FBRSL1: variants seen among roughly 807,000 people sequenced by gnomAD.
The protein encoded by FBRSL1 is fibrosin-1-like protein.
Under a neutral mutation model 89.6 loss-of-function variants are expected in FBRSL1, and 51 were observed. The ratio of observed to expected loss-of-function variants is 0.57; its 90% CI spans 0.45 to 0.72. The LOEUF (loss-of-function observed/expected upper bound fraction) is 0.72. FBRSL1 is among the 30% of genes least tolerant of loss of function. The pLI is 0.00. For synonymous variants in FBRSL1, 779 were observed against 681.1 expected (o/e 1.14, Z -2.24); for missense variants, 1,618 against 1,451.8 (o/e 1.11, Z -1.86).
intron 2 of FBRSL1, among the ~76,000 whole-genome samples, chr12:132,525,308 G>A (rs572156451): frequency 8.5e-5 from 13 of 152,342 alleles, no homozygotes; most frequent in African/African-American, 3.1e-4. Flanking sequence ...GCCAGATGGG[G>A]TGGTGCGAAC....
At chr12:132,577,093 C>T (rs1451511046) in intron 15 of FBRSL1, among the ~76,000 whole-genome samples, 162 bp downstream of exon 15, 2 of 152,114 alleles carry the variant, frequency 1.3e-5, no homozygotes, top group African/African-American at 4.8e-5. Context: ...TGGCAACTCC[C>T]TCACCTCACC....
At chr12:132,579,855 A>G (rs2040623742) in intron 15 of FBRSL1, among the ~76,000 whole-genome samples, 4 of 152,134 alleles carry the variant, frequency 2.6e-5, no homozygotes, top group Admixed American at 1.3e-4. Flanking sequence ...GGTTCCAAGT[A>G]CTGATTTTTT....
rs1460240480 is a variant in FBRSL1 at position 132,583,724 on chromosome 12, C to T, written c.2955C>T (p.Gly985=). ...RTTPLGGLGP[G]EARDYSPSRN... ...CTCCGCTGGGGGGCCTCGGGCCGGGCGAGGCGCGCGACTACTCCCCGTCCC... is the reference window on the plus strand; with the variant it reads ...CTCCGCTGGGGGGCCTCGGGCCGGGTGAGGCGCGCGACTACTCCCCGTCCC... The change falls in exon 19 of 19, where the codon GGC becomes GGT. Residue 985 remains glycine (G), a synonymous_variant. Transcript: ENST00000680143. 13 of 1,212,758 alleles carry T rather than the reference C, an allele frequency of 1.1e-5. No homozygotes were observed. Among genetic ancestry groups the T allele is most frequent in the Non-Finnish European group, 1.3e-5 (13 of 975,748 alleles). 75.1% of individuals were successfully genotyped at this position (1,212,758 alleles called of 1,614,324 possible).
At chr12:132,525,881 G>A (rs994364536) in intron 3 of FBRSL1, 58 bp downstream of exon 3, 68 of 1,386,714 alleles carry the variant, frequency 4.9e-5, no homozygotes, top group Non-Finnish European at 6.0e-5. Flanking sequence ...TGCCCGCTGC[G>A]CCCCGCACAA....
chr12:132,507,279 CT>C (rs1215534863), intron 1 of FBRSL1: 1 of 985,478 alleles, frequency 1.0e-6, no homozygotes, highest in Admixed American at 6.1e-5. Context: ...GGATTCTGTC[CT>C]TTCGTGGACG....
chr12:132,577,878 C>T (rs558838902), intron 15 of FBRSL1, among the ~76,000 whole-genome samples: 52 of 152,356 alleles, frequency 3.4e-4, no homozygotes, highest in African/African-American at 1.2e-3. Context: ...GTGTCTCAGC[C>T]TGCACGGTGC....
At chr12:132,529,732 A>G (rs1026562679) in intron 4 of FBRSL1, among the ~76,000 whole-genome samples, 7 of 142,252 alleles carry the variant, frequency 4.9e-5, no homozygotes, top group Non-Finnish European at 9.2e-5. Flanking sequence ...CCTGGGCTCT[A>G]CCACCCTGGG....
chr12:132,505,359 G>A (rs1460541721), intron 1 of FBRSL1, among the ~76,000 whole-genome samples: 2 of 152,162 alleles, frequency 1.3e-5, no homozygotes, highest in Admixed American at 1.3e-4. Flanking sequence ...CCATGGGGTG[G>A]GGCTGTTGCC....
At position 132,568,238 on chromosome 12, in the gene FBRSL1, C is replaced by T. The variant is rs111445320; in HGVS notation, c.691+712C>T. On this transcript the variant is annotated intron_variant, in intron 6 of 18. Transcript: ENST00000680143. Reference sequence around the variant, plus strand: ...CGGCAGGGCCACGGGGTCTCGGCTCCTGCCTCCCTGGGTTTCCAGCTGGAA... The same window carrying T: ...CGGCAGGGCCACGGGGTCTCGGCTCTTGCCTCCCTGGGTTTCCAGCTGGAA... Among the ~76,000 whole-genome samples the T allele has an allele frequency of 1.4e-3, 209 of 152,232 alleles. 1 individual carries two copies. Among genetic ancestry groups the T allele is most frequent in the African/African-American group, 4.8e-3 (201 of 41,458 alleles).
At chr12:132,571,300 C>G in intron 9 of FBRSL1, 69 bp downstream of exon 9, 2 of 1,526,880 alleles carry the variant, frequency 1.3e-6, no homozygotes, top group South Asian at 1.2e-5. Context: ...CTCTTTTTCT[C>G]TTGTAGATCA....
At chr12:132,571,694 C>T (rs2040024490) in intron 9 of FBRSL1, among the ~76,000 whole-genome samples, 2 of 152,136 alleles carry the variant, frequency 1.3e-5, no homozygotes, top group African/African-American at 4.8e-5. Context: ...GGTGTCCCCA[C>T]CCCAAGCTGT....
At chr12:132,536,864 T>C (rs905920464) in intron 4 of FBRSL1, among the ~76,000 whole-genome samples, 1 of 152,268 alleles carries the variant, frequency 6.6e-6, no homozygotes, top group Non-Finnish European at 1.5e-5. Flanking sequence ...AGTGCACGTG[T>C]GTACATAAAT....
At chr12:132,578,238 A>G (rs1188533375) in intron 15 of FBRSL1, among the ~76,000 whole-genome samples, 1 of 152,066 alleles carries the variant, frequency 6.6e-6, no homozygotes, top group Non-Finnish European at 1.5e-5. Flanking sequence ...CCAGCTCCTC[A>G]GGAGGCTGAG....
At chr12:132,541,158 TG>T (rs1213436199) in intron 4 of FBRSL1, among the ~76,000 whole-genome samples, 1 of 145,940 alleles carries the variant, frequency 6.9e-6, no homozygotes, top group Non-Finnish European at 1.5e-5. Context: ...ACTGTGAGCC[TG>T]GGGGGCACAG....
chr12:132,496,766 C>T (rs1054584593), intron 1 of FBRSL1, among the ~76,000 whole-genome samples: 2 of 152,244 alleles, frequency 1.3e-5, no homozygotes, highest in African/African-American at 4.8e-5. Flanking sequence ...GGACGCATCT[C>T]TGGTCCAGCA....
rs1212022094 is a variant in FBRSL1, at chr12:132,574,409, C to CG, written c.1629+67dup. ...GACTCTGGTGCCCCCGGGGCGGCCT[C>CG]GGGGGGCCCGTGACAGCAGGAGTCT... is the stretch of plus-strand genomic sequence containing the variant. On this transcript the variant is annotated intron_variant, in intron 13 of 18. Transcript: ENST00000680143. 8 of 1,548,344 alleles carry CG rather than the reference C, an allele frequency of 5.2e-6. No homozygotes were observed. The African/African-American group carries it at 6.9e-5, about 13-fold the overall frequency.
rs7294865 is a variant in FBRSL1, at chr12:132,563,945, G to A, written c.646-3536G>A. Among the ~76,000 whole-genome samples the A allele has an allele frequency of 1.5e-3, 210 of 140,576 alleles. 1 individual carries two copies. Among genetic ancestry groups the A allele is most frequent in the African/African-American group, 5.5e-3 (202 of 36,518 alleles). 92.2% of individuals were successfully genotyped at this position (140,576 alleles called of 152,430 possible). A position where few individuals can be genotyped will look rare whatever the true frequency, so the allele number is the denominator to read the frequency against. ...ACCCCTCCAGCTGACACATACCTAC[G>A]TCTGTACACCCACCCCCGTCGCCCC... is the stretch of plus-strand genomic sequence containing the variant. On this transcript the variant is annotated intron_variant, in intron 5 of 18. Transcript: ENST00000680143.
intron 4 of FBRSL1, among the ~76,000 whole-genome samples, chr12:132,531,267 G>A (rs1474279558): frequency 2.0e-5 from 3 of 152,146 alleles, no homozygotes; most frequent in African/African-American, 7.2e-5. Context: ...GGTCTGGATT[G>A]TGCTGAAGCC....
intron 4 of FBRSL1, among the ~76,000 whole-genome samples, chr12:132,542,907 G>A (rs1288746549): frequency 1.3e-5 from 2 of 152,220 alleles, no homozygotes; most frequent in Non-Finnish European, 2.9e-5. Context: ...CTTAATAGCC[G>A]TGCTGCTGAT....
Sources: allele counts gnomAD v4.1 joint callset (sites outside exome capture counted in the v4.1 genomes callset), GRCh38; gene constraint gnomAD v4.1.1; transcripts MANE v1.5; gene names NCBI Gene and HGNC (gene_info 2026-07-23, HGNC 2026-07-21).